CUX2: variants seen among roughly 807,000 people sequenced by gnomAD.
CUX2 encodes homeobox protein cut-like 2.
A neutral mutation model predicts 144.8 loss-of-function variants in CUX2; 40 were observed. That is an observed-to-expected ratio of 0.28 (90% confidence interval 0.21 to 0.36). The LOEUF (loss-of-function observed/expected upper bound fraction) is 0.36. Ranked by LOEUF, CUX2 falls within the 10% of genes least tolerant of loss-of-function variation. CUX2 has a pLI of 1.00. For synonymous variants in CUX2, 827 were observed against 875.6 expected (o/e 0.94, Z 0.98); for missense variants, 1,615 against 1,994.0 (o/e 0.81, Z 3.62).
At chr12:111,344,064 T>TAAATA (rs1254285208) in intron 21 of CUX2, among the ~76,000 whole-genome samples, 1 of 151,976 alleles carries the variant, frequency 6.6e-6, no homozygotes, top group Non-Finnish European at 1.5e-5. Context: ...AACAGATAAA[T>TAAATA]AAATAAAATA....
At chr12:111,216,421 T>G (rs1014698422) in intron 2 of CUX2, among the ~76,000 whole-genome samples, 1 of 152,216 alleles carries the variant, frequency 6.6e-6, no homozygotes, top group East Asian at 1.9e-4. Flanking sequence ...TTTTATTTAG[T>G]CTGTAAAGTC....
intron 1 of CUX2, among the ~76,000 whole-genome samples, chr12:111,079,714 C>T (rs1198130839): frequency 1.3e-5 from 2 of 152,190 alleles, no homozygotes; most frequent in Non-Finnish European, 2.9e-5. Flanking sequence ...GCACTGTTCT[C>T]CCACCTGCTT....
At chr12:111,163,795 G>A (rs1877940719) in intron 1 of CUX2, among the ~76,000 whole-genome samples, 2 of 152,156 alleles carry the variant, frequency 1.3e-5, no homozygotes, top group African/African-American at 2.4e-5. Context: ...GGAGTCACTT[G>A]CCCACTTATT....
chr12:111,194,075 A>T (rs1880074716), intron 1 of CUX2, among the ~76,000 whole-genome samples: 1 of 152,172 alleles, frequency 6.6e-6, no homozygotes, highest in Admixed American at 6.5e-5. Context: ...TGAACATATC[A>T]CACCGGTGGC....
intron 16 of CUX2, among the ~76,000 whole-genome samples, chr12:111,317,856 C>G (rs1457959309): frequency 6.6e-6 from 1 of 151,964 alleles, no homozygotes; most frequent in Non-Finnish European, 1.5e-5. Flanking sequence ...AAAAATTAGC[C>G]AGGCCTGGTG....
intron 4 of CUX2, among the ~76,000 whole-genome samples, chr12:111,269,160 G>A (rs1047948925): frequency 1.3e-5 from 2 of 152,168 alleles, no homozygotes; most frequent in African/African-American, 4.8e-5. Context: ...CTTACTAAGT[G>A]TTAACTATTC....
intron 4 of CUX2, among the ~76,000 whole-genome samples, chr12:111,283,970 G>A (rs1373518733): frequency 1.3e-5 from 2 of 152,098 alleles, no homozygotes; most frequent in African/African-American, 2.4e-5. Flanking sequence ...GCTGCAGTCC[G>A]AGGCTCATCC....
intron 1 of CUX2, among the ~76,000 whole-genome samples, chr12:111,043,846 G>C (rs147137162): frequency 6.6e-5 from 10 of 152,134 alleles, no homozygotes; most frequent in African/African-American, 2.2e-4. Context: ...ACATACTCAC[G>C]AGACAGAAAT....
chr12:111,202,298 C>T (rs1326464997), intron 1 of CUX2, among the ~76,000 whole-genome samples: 1 of 152,194 alleles, frequency 6.6e-6, no homozygotes, highest in Non-Finnish European at 1.5e-5. Flanking sequence ...ATTTTGTTTT[C>T]CTGGTGCCCG....
intron 1 of CUX2, among the ~76,000 whole-genome samples, chr12:111,089,076 G>C (rs949987145): frequency 2.6e-5 from 4 of 152,210 alleles, no homozygotes; most frequent in African/African-American, 9.6e-5. Context: ...GAGGCACGGG[G>C]CGAAGGGACC....
chr12:111,142,645 C>G (rs190917116), intron 1 of CUX2, among the ~76,000 whole-genome samples: 89 of 152,058 alleles, frequency 5.9e-4, no homozygotes, highest in African/African-American at 2.0e-3. Context: ...TTATCGGTTC[C>G]TTTTGTTAAC....
chr12:111,132,543 T>C (rs1285178799), intron 1 of CUX2, among the ~76,000 whole-genome samples: 1 of 151,436 alleles, frequency 6.6e-6, no homozygotes, highest in African/African-American at 2.4e-5. Context: ...TTCTGAATTT[T>C]TATGCTCTGT....
At chr12:111,281,875 G>A (rs990543802) in intron 4 of CUX2, among the ~76,000 whole-genome samples, 25 of 152,096 alleles carry the variant, frequency 1.6e-4, no homozygotes, top group African/African-American at 5.6e-4. Flanking sequence ...AGGAGGAGGC[G>A]GGATGCTGGT....
intron 18 of CUX2, among the ~76,000 whole-genome samples, chr12:111,331,260 C>G (rs895181309): frequency 1.3e-4 from 20 of 152,112 alleles, no homozygotes; most frequent in African/African-American, 4.6e-4. Flanking sequence ...AAGGAAGGAA[C>G]CCATCCTGGG....
rs1362935435 is a variant in CUX2, at chr12:111,330,703, A to G, written c.2927-3738A>G. 9.3e-3 allele frequency among the ~76,000 whole-genome samples: 165 copies of G among 17,824 alleles called. 6 individuals are homozygous for G. The highest frequency in any genetic ancestry group is 0.035 in the African/African-American group (159 of 4,548). The allele number at this position is 17,824 out of a possible 152,430, so 11.7% of individuals were successfully genotyped here. ...TACATATACATATATATATATATATATATATATATATATATATATATATAT... is the reference window on the plus strand; with the variant it reads ...TACATATACATATATATATATATATGTATATATATATATATATATATATAT... On this transcript the variant is annotated intron_variant, in intron 18 of 21. Transcript: ENST00000261726.
At chr12:111,330,126 G>A (rs1888022367) in intron 18 of CUX2, among the ~76,000 whole-genome samples, 1 of 152,222 alleles carries the variant, frequency 6.6e-6, no homozygotes, top group Admixed American at 6.5e-5. Flanking sequence ...TGAATGGCCA[G>A]GATCAGCTCA....
At chr12:111,076,621 C>T (rs1473245976) in intron 1 of CUX2, among the ~76,000 whole-genome samples, 1 of 152,200 alleles carries the variant, frequency 6.6e-6, no homozygotes, top group Non-Finnish European at 1.5e-5. Context: ...AGCATAGATA[C>T]AACTCACCCT....
intron 1 of CUX2, among the ~76,000 whole-genome samples, chr12:111,148,369 C>T (rs1204163814): frequency 4.6e-5 from 5 of 109,816 alleles, no homozygotes; most frequent in East Asian, 5.6e-4. Context: ...GTGTCTGGGG[C>T]GGGTGGCGGG....
intron 3 of CUX2, among the ~76,000 whole-genome samples, chr12:111,247,985 CA>C (rs1471970093): frequency 6.6e-6 from 1 of 152,250 alleles, no homozygotes; most frequent in Non-Finnish European, 1.5e-5. Context: ...TGGCTCACTG[CA>C]GCCTCAGACT....
Sources: gnomAD v4.1 joint callset for allele counts (sites outside exome capture counted in the v4.1 genomes callset) on GRCh38, gnomAD v4.1.1 for gene constraint, MANE v1.5 for transcripts, NCBI Gene and HGNC (gene_info 2026-07-23, HGNC 2026-07-21) for gene names.